Variants in ENOX1 observed in about 807,000 individuals in gnomAD.
The protein encoded by ENOX1 is candidate growth-related and time keeping constitutive hydroquinone (NADH) oxidase.
Under a neutral mutation model 82.5 loss-of-function variants are expected in ENOX1, and 42 were observed. The observed-to-expected ratio is 0.51, with a 90% CI of 0.40 to 0.66. The LOEUF (loss-of-function observed/expected upper bound fraction) is 0.66, where lower values mean the gene tolerates loss of function less well. ENOX1 is among the 30% of genes least tolerant of loss of function. ENOX1 has a pLI of 0.00. For missense variants in ENOX1, 608 were observed against 811.6 expected, an observed-to-expected ratio of 0.75 and a Z score of 3.05; for synonymous variants, 271 against 282.2, an observed-to-expected ratio of 0.96 and a Z score of 0.40.
At chr13:43,754,145 T>G (rs1950501252) in intron 1 of ENOX1, among the ~76,000 whole-genome samples, 1 of 140,484 alleles carries the variant, frequency 7.1e-6, no homozygotes, top group South Asian at 2.1e-4. Flanking sequence ...TATATACACA[T>G]ATATACATAT....
At chr13:43,718,310 A>C (rs1013964636) in intron 1 of ENOX1, among the ~76,000 whole-genome samples, 1 of 152,162 alleles carries the variant, frequency 6.6e-6, no homozygotes, top group African/African-American at 2.4e-5. Flanking sequence ...CTCACTTATA[A>C]ATGGGAGCTA....
chr13:43,733,653 C>T (rs1440168177), intron 1 of ENOX1, among the ~76,000 whole-genome samples: 1 of 152,116 alleles, frequency 6.6e-6, no homozygotes, highest in Non-Finnish European at 1.5e-5. Flanking sequence ...TCTTCAGGTT[C>T]AATCCTTCAC....
At position 43,706,023 on chromosome 13, in the gene ENOX1, G is replaced by T. The variant is rs139092715; in HGVS notation, c.-284-38479C>A. ...ATATTAAGAGGTCTAGAAATTACCA[G>T]GCCTCTCAGAATATTCCTTCTAAAC... On this transcript the variant is annotated intron_variant, in intron 1 of 16. Transcript: ENST00000690772. 5.8e-3 allele frequency among the ~76,000 whole-genome samples: 881 copies of T among 151,932 alleles called. 7 individuals are homozygous for T. The highest frequency in any genetic ancestry group is 0.016 in the South Asian group (77 of 4,816).
At chr13:43,257,555 TAAAC>T (rs963948945) in intron 14 of ENOX1, among the ~76,000 whole-genome samples, 3 of 152,208 alleles carry the variant, frequency 2.0e-5, no homozygotes, top group East Asian at 1.9e-4. Context: ...TACATGCACA[TAAAC>T]AAAGATAATG....
rs1952651965 is a variant in ENOX1, at chr13:43,786,677, G to A, written c.-310C>T. 6.6e-6 allele frequency: 1 copy of A among 152,128 alleles called. No homozygotes were observed. Among genetic ancestry groups the A allele is most frequent in the Non-Finnish European group, 1.5e-5 (1 of 68,190 alleles). 9.4% of individuals were successfully genotyped at this position (152,128 alleles called of 1,614,324 possible). A position where few individuals can be genotyped will look rare whatever the true frequency, so the allele number is the denominator to read the frequency against. ...CTGGGGCCGCCGTATGGGGAGCGGAGGCAACCCGCTGCGCGGAGTGGGGCG... is the reference window on the plus strand; with the variant it reads ...CTGGGGCCGCCGTATGGGGAGCGGAAGCAACCCGCTGCGCGGAGTGGGGCG... On this transcript the variant is annotated 5_prime_UTR_variant, in exon 1 of 17. Transcript: ENST00000690772. This position sits in a 1 kb window ranked among gnomAD's most constrained non-coding sequence, Gnocchi z 6.0.
chr13:43,707,602 G>A (rs900190400), intron 1 of ENOX1, among the ~76,000 whole-genome samples: 17 of 151,614 alleles, frequency 1.1e-4, no homozygotes, highest in African/African-American at 3.1e-4. Flanking sequence ...GCGTGGTGGT[G>A]CTCGCCTGTA....
intron 11 of ENOX1, chr13:43,321,135 G>A (rs548513568): frequency 4.4e-6 from 2 of 456,270 alleles, no homozygotes; most frequent in East Asian, 6.9e-5. Flanking sequence ...GAGGGTGAAA[G>A]GGAAAGTTTC....
intron 1 of ENOX1, among the ~76,000 whole-genome samples, chr13:43,758,707 C>T (rs1388993430): frequency 6.6e-6 from 1 of 152,160 alleles, no homozygotes; most frequent in Admixed American, 6.5e-5. Context: ...ACCTGAATGG[C>T]TTTGGGCAGG....
intron 2 of ENOX1, among the ~76,000 whole-genome samples, chr13:43,640,453 G>C (rs2083587394): frequency 6.6e-6 from 1 of 152,076 alleles, no homozygotes; most frequent in Non-Finnish European, 1.5e-5. Flanking sequence ...TCAGACATGA[G>C]AAAATATGCT....
At chr13:43,226,222 T>C (rs956816166) in intron 15 of ENOX1, among the ~76,000 whole-genome samples, 4 of 152,212 alleles carry the variant, frequency 2.6e-5, no homozygotes, top group African/African-American at 9.6e-5. Context: ...TTAAAAAAAT[T>C]AGAATATAGT....
At chr13:43,470,387 C>CACATATATATGT (rs1566308507) in intron 3 of ENOX1, among the ~76,000 whole-genome samples, 3 of 51,494 alleles carry the variant, frequency 5.8e-5, no homozygotes, top group Admixed American at 1.9e-4. Flanking sequence ...CATATATATA[C>CACATATATATGT]GTATATATAT....
rs1594214005 is a variant in ENOX1 at position 43,375,676 on chromosome 13, A to G, written c.209-14224T>C. Reference sequence around the variant, plus strand: ...GTATGTGGACTTCCTCAGTGAAAGTATCTATCTAGCTAAGCCACTGTATCC... The same window carrying G: ...GTATGTGGACTTCCTCAGTGAAAGTGTCTATCTAGCTAAGCCACTGTATCC... On this transcript the variant is annotated intron_variant, in intron 5 of 16. Transcript: ENST00000690772. Among the ~76,000 whole-genome samples the G allele has an allele frequency of 2.0e-5, 3 of 152,200 alleles. No homozygotes were observed. In the South Asian group the frequency reaches 6.2e-4, roughly 31 times the overall value.
At chr13:43,451,627 T>C (rs2056970363) in intron 3 of ENOX1, among the ~76,000 whole-genome samples, 1 of 152,192 alleles carries the variant, frequency 6.6e-6, no homozygotes, top group African/African-American at 2.4e-5. Flanking sequence ...AAACTAGTGT[T>C]TTTATTAAAA....
At chr13:43,576,609 C>A (rs1275019566) in intron 2 of ENOX1, among the ~76,000 whole-genome samples, 2 of 151,898 alleles carry the variant, frequency 1.3e-5, no homozygotes, top group Non-Finnish European at 2.9e-5. Context: ...CCTGCAGAAA[C>A]CTTGATTTTA....
At chr13:43,540,742 A>G (rs1390122790) in intron 2 of ENOX1, among the ~76,000 whole-genome samples, 2 of 152,192 alleles carry the variant, frequency 1.3e-5, no homozygotes, top group Admixed American at 1.3e-4. Context: ...TCAATTGTTT[A>G]TTCAGTCAGC....
intron 5 of ENOX1, among the ~76,000 whole-genome samples, chr13:43,367,194 T>G (rs1240470894): frequency 6.6e-6 from 1 of 152,196 alleles, no homozygotes; most frequent in Non-Finnish European, 1.5e-5. Flanking sequence ...TTTTGAGACA[T>G]TTAAATAAAA....
chr13:43,588,909 C>T (rs990202034), intron 2 of ENOX1, among the ~76,000 whole-genome samples: 2 of 152,132 alleles, frequency 1.3e-5, no homozygotes, highest in Non-Finnish European at 2.9e-5. Context: ...TAACCATATG[C>T]ACTTGCCAGA....
chr13:43,373,733 G>C (rs2051408676), intron 5 of ENOX1, among the ~76,000 whole-genome samples: 1 of 152,170 alleles, frequency 6.6e-6, no homozygotes, highest in Admixed American at 6.5e-5. Flanking sequence ...TTTTAATTTA[G>C]AAAGCACCAA....
intron 5 of ENOX1, among the ~76,000 whole-genome samples, chr13:43,399,839 C>T (rs1490851855): frequency 6.6e-6 from 1 of 152,116 alleles, no homozygotes; most frequent in Admixed American, 6.5e-5. Context: ...CCACATACTG[C>T]TGTAATAGGC....
Sources: gnomAD v4.1 joint callset for allele counts (sites outside exome capture counted in the v4.1 genomes callset) on GRCh38, gnomAD v4.1.1 for gene constraint, Gnocchi (gnomAD v3.1) non-coding constraint, MANE v1.5 for transcripts, NCBI Gene and HGNC (gene_info 2026-07-23, HGNC 2026-07-21) for gene names.